Variants in SPICE1 observed in about 807,000 individuals in gnomAD.
SPICE1 encodes the protein spindle and centriole associated protein 1.
Under a neutral mutation model 102.7 loss-of-function variants are expected in SPICE1, and 75 were observed. The ratio of observed to expected loss-of-function variants is 0.73; its 90% CI spans 0.61 to 0.88. The LOEUF (loss-of-function observed/expected upper bound fraction) is 0.88. Among genes scored for constraint, SPICE1 ranks in the 40% least tolerant of loss-of-function variants. SPICE1 has a pLI of 0.00. For synonymous variants in SPICE1, 308 were observed against 350.3 expected, an observed-to-expected ratio of 0.88 and a Z score of 1.35; for missense variants, 979 against 1,020.1, an observed-to-expected ratio of 0.96 and a Z score of 0.55.
rs534556559 is a variant in SPICE1 at position 113,452,927 on chromosome 3, G to A, written c.2142+539C>T. Among the ~76,000 whole-genome samples, 9 of 151,986 alleles carry A rather than the reference G, an allele frequency of 5.9e-5. No individual in the cohort carries two copies. In the South Asian group the frequency reaches 1.0e-3, roughly 18 times the overall value. On this transcript the variant is annotated intron_variant, in intron 14 of 17. Transcript: ENST00000295872. ...CGGGAGGCAGAGGTTGCAGTGAGCC[G>A]AGATCATGCCACTGCACTCCAGCTT...
At chr3:113,467,582 T>C (rs1936090300) in intron 10 of SPICE1, among the ~76,000 whole-genome samples, 1 of 152,238 alleles carries the variant, frequency 6.6e-6, no homozygotes, top group Non-Finnish European at 1.5e-5. Flanking sequence ...GTTATAGGCG[T>C]GAGCCACCAC....
At chr3:113,479,175 G>T (rs4555494) in intron 7 of SPICE1, among the ~76,000 whole-genome samples, 36,872 of 140,378 alleles carry the variant, frequency 0.26, 5,046 homozygotes, top group African/African-American at 0.36. Context: ...CCTTCCTGTG[G>T]CCATGTGTTC....
chr3:113,490,854 A>G (rs901182535), intron 6 of SPICE1, among the ~76,000 whole-genome samples: 6 of 151,790 alleles, frequency 4.0e-5, no homozygotes, highest in Admixed American at 2.6e-4. Context: ...TGCCAACTCT[A>G]CCTCATTTTA....
At chr3:113,467,105 TG>T (rs1385883835) in intron 10 of SPICE1, among the ~76,000 whole-genome samples, 1 of 152,190 alleles carries the variant, frequency 6.6e-6, no homozygotes, top group Non-Finnish European at 1.5e-5. Flanking sequence ...CTAAAACATC[TG>T]TATTAAGGTG....
chr3:113,486,507 A>AAT lies in SPICE1; in HGVS notation c.611+2436_611+2437dup, dbSNP rs150349273. Among the ~76,000 whole-genome samples, 1,389 of 151,240 alleles carry AAT rather than the reference A, an allele frequency of 9.2e-3. 17 individuals carry two copies. Among genetic ancestry groups the AAT allele is most frequent in the African/African-American group, 0.031 (1,292 of 41,360 alleles). The stretch of plus-strand genomic sequence containing the variant: ...TCAAATAGACACAATAAAAAATGAT[A>AAT]ATATATATATATGAGAATGGTCAAA... On this transcript the variant is annotated intron_variant, in intron 7 of 17. Coordinates refer to ENST00000295872, the MANE Select transcript of SPICE1 (RefSeq NM_144718.4).
intron 1 of SPICE1, among the ~76,000 whole-genome samples, chr3:113,509,574 C>T (rs1051830610): frequency 6.6e-6 from 1 of 152,178 alleles, no homozygotes; most frequent in East Asian, 1.9e-4. Context: ...CCTGTTCTGT[C>T]TTGAGAGACA....
At chr3:113,500,426 TGAG>T (rs776047132) in intron 3 of SPICE1, among the ~76,000 whole-genome samples, 12 of 152,038 alleles carry the variant, frequency 7.9e-5, no homozygotes, top group Non-Finnish European at 1.6e-4. Context: ...TTTAGACAAC[TGAG>T]GAGATTTGAA....
chr3:113,485,617 G>A (rs914103205), intron 7 of SPICE1, among the ~76,000 whole-genome samples: 1 of 152,186 alleles, frequency 6.6e-6, no homozygotes. Flanking sequence ...CCCTGGGACA[G>A]AGCACCTGGG....
In SPICE1 at chr3:113,494,070, G is replaced by A. The variant is rs747420653; in HGVS notation, c.364C>T (p.Leu122=). 1 of 1,611,742 alleles carries A rather than the reference G, an allele frequency of 6.2e-7. No individual in the cohort carries two copies. Among genetic ancestry groups the A allele is most frequent in the Non-Finnish European group, 8.5e-7 (1 of 1,179,308 alleles). Residue 122 remains leucine, a synonymous_variant, in exon 5 of 18, where the codon CTG becomes TTG. Coordinates refer to ENST00000295872, the MANE Select transcript of SPICE1 (RefSeq NM_144718.4). ...ATACCTGTGCGCCTACGAGGAAACA[G>A]CTCTTTTGCTGCAGCTATTAGATGA... ...SDHLIAAAKE[L]FPRRRTGFPN... is the part of the protein sequence containing the mutation.
intron 6 of SPICE1, 118 bp from the exon 7 acceptor site, chr3:113,489,181 T>C: frequency 3.2e-6 from 2 of 627,088 alleles, no homozygotes; most frequent in Non-Finnish European, 5.6e-6. Flanking sequence ...CCACATGTTG[T>C]AGAACACAAA....
intron 4 of SPICE1, among the ~76,000 whole-genome samples, chr3:113,495,141 G>C (rs1211574897): frequency 2.0e-5 from 3 of 152,226 alleles, no homozygotes; most frequent in Admixed American, 2.0e-4. Flanking sequence ...TTTCAACTTA[G>C]GAACTTTCAT....
chr3:113,470,005 A>G (rs9848087), intron 7 of SPICE1, among the ~76,000 whole-genome samples: 82,127 of 152,040 alleles, frequency 0.54, 23,460 homozygotes, highest in African/African-American at 0.72. Context: ...GTGAGAAGAG[A>G]TGCTGCAGTT....
At chr3:113,486,003 T>G (rs1157512446) in intron 7 of SPICE1, among the ~76,000 whole-genome samples, 1 of 151,908 alleles carries the variant, frequency 6.6e-6, no homozygotes, top group Non-Finnish European at 1.5e-5. Context: ...TCCAGTTTCC[T>G]GGGAGGCTGA....
At chr3:113,482,642 C>T (rs1576638212) in intron 7 of SPICE1, among the ~76,000 whole-genome samples, 1 of 152,198 alleles carries the variant, frequency 6.6e-6, no homozygotes, top group Non-Finnish European at 1.5e-5. Context: ...AGCCAGTTTT[C>T]CCAACATCAT....
chr3:113,454,060 G>A (rs66730375), intron 13 of SPICE1, 110 bp from the exon 14 acceptor site: 19,578 of 1,074,916 alleles, frequency 0.018, 437 homozygotes, highest in African/African-American at 0.092. Context: ...TCAGTAGAAG[G>A]GTTTGGCTTC....
At chr3:113,471,787 T>A (rs964259165) in intron 7 of SPICE1, among the ~76,000 whole-genome samples, 10 of 151,596 alleles carry the variant, frequency 6.6e-5, no homozygotes, top group Admixed American at 2.6e-4. Flanking sequence ...AAAAAAAAAA[T>A]TTTGTTTTTT....
intron 15 of SPICE1, among the ~76,000 whole-genome samples, chr3:113,448,635 G>C (rs1024124346): frequency 6.6e-6 from 1 of 152,132 alleles, no homozygotes; most frequent in Non-Finnish European, 1.5e-5. Context: ...GTATAATTAT[G>C]AATATTTTCC....
rs752887696 is a variant in SPICE1 at position 113,457,355 on chromosome 3, G to T, written c.1438C>A (p.Arg480Ser). The stretch of plus-strand genomic sequence containing the variant: ...GAGACATTGGCATTTACAACTGGAC[G>T]CTCTGAAGAAGATGAGAGGATATTA... ...TGRRVMDSPERPVVNANVSVP... is the reference protein window; with the variant it reads ...TGRRVMDSPESPVVNANVSVP... Residue 480 changes from arginine (R) to serine (S), a missense_variant and splice_region_variant, in exon 13 of 18, where the codon CGT becomes AGT. Transcript: ENST00000295872. 2 of 1,613,880 alleles carry T rather than the reference G, an allele frequency of 1.2e-6. No individual in the cohort carries two copies. The highest frequency in any genetic ancestry group is 1.3e-5 in the African/African-American group (1 of 74,914).
In SPICE1 at chr3:113,503,213, A is replaced by G. The variant is rs374181318; in HGVS notation, c.114T>C (p.Asp38=). The part of the protein sequence containing the change: ...VKQEWDNTVT[D]LTVHRATPED... ...CGGGAGTTGCCCGATGAACGGTTAG[A>G]TCAGTCACGGTATTCTGTAAAAAAA... Residue 38 remains aspartate (D), a synonymous_variant, in exon 3 of 18, where the codon GAT becomes GAC. Coordinates refer to ENST00000295872, the MANE Select transcript of SPICE1 (RefSeq NM_144718.4). 2.5e-6 allele frequency: 4 copies of G among 1,600,468 alleles called. No individual in the cohort carries two copies. The highest frequency in any genetic ancestry group is 2.6e-6 in the Non-Finnish European group (3 of 1,175,410).
Sources: gnomAD v4.1 joint callset for allele counts (sites outside exome capture counted in the v4.1 genomes callset) on GRCh38, gnomAD v4.1.1 for gene constraint, MANE v1.5 for transcripts, NCBI Gene and HGNC (gene_info 2026-07-23, HGNC 2026-07-21) for gene names.